INPP5J: variants seen among roughly 807,000 people sequenced by gnomAD.
INPP5J encodes the protein inositol polyphosphate-5-phosphatase J, also known as phosphatidylinositol 4,5-bisphosphate 5-phosphatase A.
A neutral mutation model predicts 86.6 loss-of-function variants in INPP5J; 75 were observed. The ratio of observed to expected loss-of-function variants is 0.87; its 90% CI spans 0.72 to 1.05. INPP5J has a LOEUF of 1.05. Ranked by LOEUF, INPP5J falls within the 50% of genes least tolerant of loss-of-function variation. The pLI is 0.00. For missense variants in INPP5J, 1,229 were observed against 1,341.2 expected, an observed-to-expected ratio of 0.92 and a Z score of 1.31; for synonymous variants, 540 against 550.0, an observed-to-expected ratio of 0.98 and a Z score of 0.25.
intron 6 of INPP5J, 95 bp from the exon 7 acceptor site, chr22:31,127,856 G>A (rs1490927243): frequency 3.7e-5 from 29 of 774,478 alleles, no homozygotes; most frequent in Admixed American, 3.3e-4. Flanking sequence ...CGGGTTGGAT[G>A]GGCTGGAAGG....
At position 31,133,223 on chromosome 22, in the gene INPP5J, C is replaced by T. The variant is rs767376371; in HGVS notation, c.2319C>T (p.Ile773=). The change falls in exon 10 of 13, where the codon ATC becomes ATT. Residue 773 remains isoleucine, a synonymous_variant. Coordinates refer to ENST00000331075, the MANE Select transcript of INPP5J (RefSeq NM_001284285.2). ...TVFARSSWDW[I]GLYRVGFRHC... ...TCGCCCGCAGCTCCTGGGACTGGAT[C>T]GGCTTATACCGGGTGAGAGGGGCAG... 4 of 1,606,296 alleles carry T rather than the reference C, an allele frequency of 2.5e-6. No individual in the cohort carries two copies. Among genetic ancestry groups the T allele is most frequent in the African/African-American group, 1.3e-5 (1 of 74,842 alleles).
chr22:31,127,433 C>T lies in INPP5J; in HGVS notation c.1688C>T (p.Ala563Val), dbSNP rs1474656992. Reference protein sequence around the residue: ...MLCFLNCHLPAHMDKAEQRKD... With the variant: ...MLCFLNCHLPVHMDKAEQRKD... ...TGCTTCCTGAACTGCCACTTGCCTG[C>T]GCATATGGACAAGGCGGAGCAGCGC... The change falls in exon 6 of 13, where the codon GCG (alanine) becomes GTG (valine). Residue 563 changes from alanine (A) to valine (V), a missense_variant. By Grantham distance (64) the Ala-to-Val change is moderately conservative. Transcript: ENST00000331075. 3.7e-6 allele frequency: 6 copies of T among 1,613,830 alleles called. No individual in the cohort carries two copies. Among genetic ancestry groups the T allele is most frequent in the Admixed American group, 1.7e-5 (1 of 60,004 alleles).
chr22:31,134,470 T>G lies in INPP5J; in HGVS notation c.*51T>G, dbSNP rs1470221939. ...GTGACCACCATTCTGCCTCAATCTTTTGCAAGCCCACCTGCCTCTCTCCTG... is the reference window on the plus strand; with the variant it reads ...GTGACCACCATTCTGCCTCAATCTTGTGCAAGCCCACCTGCCTCTCTCCTG... On this transcript the variant is annotated 3_prime_UTR_variant, in exon 13 of 13. Coordinates refer to ENST00000331075, the MANE Select transcript of INPP5J (RefSeq NM_001284285.2). 19 of 1,417,468 alleles carry G rather than the reference T, an allele frequency of 1.3e-5. No individual in the cohort carries two copies. The highest frequency in any genetic ancestry group is 1.6e-5 in the Non-Finnish European group (17 of 1,084,976). The allele number at this position is 1,417,468 out of a possible 1,614,324, so 87.8% of individuals were successfully genotyped here. A position where few individuals can be genotyped will look rare whatever the true frequency, so the allele number is the denominator to read the frequency against.
chr22:31,134,077 G>A lies in INPP5J; in HGVS notation c.2679G>A (p.Arg893=). 6.4e-7 allele frequency: 1 copy of A among 1,567,832 alleles called. No homozygotes were observed. Among genetic ancestry groups the A allele is most frequent in the Non-Finnish European group, 8.6e-7 (1 of 1,157,572 alleles). Reference sequence around the variant, plus strand: ...GCAGCCGCAGCCCGGGACTGGCCAGGTTCCCTGGGCTTGCCCTACGGCCCT... The same window carrying A: ...GCAGCCGCAGCCCGGGACTGGCCAGATTCCCTGGGCTTGCCCTACGGCCCT... ...RHRSRSPGLA[R]FPGLALRPSS... is the part of the protein sequence containing the mutation. Residue 893 remains arginine (R), a synonymous_variant, in exon 13 of 13, where the codon AGG becomes AGA. Transcript: ENST00000331075.
At chr22:31,126,782 T>C (rs1466720288) in intron 4 of INPP5J, 61 bp downstream of exon 4, 1 of 1,508,136 alleles carries the variant, frequency 6.6e-7, no homozygotes, top group Non-Finnish European at 9.2e-7. Context: ...GCTCCAGCTG[T>C]ACCCTGGCTC....
At position 31,126,765 on chromosome 22, in the gene INPP5J, A is replaced by T. The variant is rs779070020; in HGVS notation, c.1494+44A>T. The T allele has an allele frequency of 5.5e-5, 85 of 1,547,468 alleles. 1 individual carries two copies. The highest frequency in any genetic ancestry group is 7.3e-5 in the Non-Finnish European group (82 of 1,119,690). ...CCTGGACAGCCAGAGACCCTGCTGAATTCCTGGCTCCAGCTGTACCCTGGC... is the reference window on the plus strand; with the variant it reads ...CCTGGACAGCCAGAGACCCTGCTGATTTCCTGGCTCCAGCTGTACCCTGGC... On this transcript the variant is annotated intron_variant, in intron 4 of 12. Transcript: ENST00000331075.
chr22:31,128,266 C>T lies in INPP5J; in HGVS notation c.1952C>T (p.Pro651Leu). ...WPILKGFQEG[P>L]LNFAPTFKFD... ...ATTCTGAAGGGCTTTCAGGAGGGGC[C>T]CCTCAACTTCGCTCCCACCTTCAAG... Residue 651 changes from proline (P) to leucine (L), a missense_variant, in exon 8 of 13, where the codon CCC (proline) becomes CTC (leucine). Pro to Leu is a moderately conservative substitution (Grantham distance 98). Transcript: ENST00000331075. The T allele has an allele frequency of 6.2e-7, 1 of 1,601,688 alleles. No individual in the cohort carries two copies. The highest frequency in any genetic ancestry group is 1.1e-5 in the South Asian group (1 of 88,886).
rs61741182 is a variant in INPP5J at position 31,126,773 on chromosome 22, C to T, written c.1494+52C>T. The stretch of plus-strand genomic sequence containing the variant: ...GCCAGAGACCCTGCTGAATTCCTGG[C>T]TCCAGCTGTACCCTGGCTCACTGTG... On this transcript the variant is annotated intron_variant, in intron 4 of 12. Transcript: ENST00000331075. 5.6e-3 allele frequency: 8,554 copies of T among 1,532,214 alleles called. 205 individuals carry two copies. In the African/African-American group the frequency reaches 0.067, roughly 12 times the overall value. The allele number at this position is 1,532,214 out of a possible 1,614,324, so 94.9% of individuals were successfully genotyped here.
At position 31,126,937 on chromosome 22, in the gene INPP5J, T is replaced by A; in HGVS notation, c.1511T>A (p.Met504Lys). The stretch of plus-strand genomic sequence containing the variant: ...CCGCTGCAGGTGAGTTCGGTGAGGA[T>A]GCAGGGTGTCATCCTGCTGCTGTTC... ...FNFVLVSSVRMQGVILLLFAK... is the reference protein window; with the variant it reads ...FNFVLVSSVRKQGVILLLFAK... Residue 504 changes from methionine (M) to lysine (K), a missense_variant, in exon 5 of 13, where the codon ATG (methionine) becomes AAG (lysine). Coordinates refer to ENST00000331075, the MANE Select transcript of INPP5J (RefSeq NM_001284285.2). 1 of 1,609,382 alleles carries A rather than the reference T, an allele frequency of 6.2e-7. No homozygotes were observed. Among genetic ancestry groups the A allele is most frequent in the Non-Finnish European group, 8.5e-7 (1 of 1,177,626 alleles).
At chr22:31,132,037 G>A (rs570672629) in intron 9 of INPP5J, among the ~76,000 whole-genome samples, 33 of 152,338 alleles carry the variant, frequency 2.2e-4, no homozygotes, top group South Asian at 6.2e-4. Context: ...TTCAGGTGGC[G>A]CCCCTGGTGG....
chr22:31,122,966 A>C lies in INPP5J; in HGVS notation c.-49A>C. The C allele has an allele frequency of 2.7e-5, 33 of 1,238,726 alleles. No individual in the cohort carries two copies. Among genetic ancestry groups the C allele is most frequent in the Non-Finnish European group, 3.0e-5 (28 of 936,182 alleles). 76.7% of individuals were successfully genotyped at this position (1,238,726 alleles called of 1,614,324 possible). A position where few individuals can be genotyped will look rare whatever the true frequency, so the allele number is the denominator to read the frequency against. On this transcript the variant is annotated 5_prime_UTR_variant, in exon 1 of 13. Coordinates refer to ENST00000331075, the MANE Select transcript of INPP5J (RefSeq NM_001284285.2). ...GACATCACTGGTTCCCGGGAGCGGT[A>C]GAGCTGGAGCCGGAGCCAAGGGAGT...
chr22:31,132,756 A>T (rs1922166049), intron 9 of INPP5J, among the ~76,000 whole-genome samples: 2 of 152,110 alleles, frequency 1.3e-5, no homozygotes, highest in African/African-American at 4.8e-5. Flanking sequence ...GAAAAAAAAA[A>T]AAAAGAGTCT....
intron 12 of INPP5J, 66 bp from the exon 13 acceptor site, chr22:31,133,847 C>T (rs935189539): frequency 4.5e-5 from 72 of 1,595,924 alleles, no homozygotes; most frequent in Non-Finnish European, 5.7e-5. Context: ...AGGCAGACCT[C>T]GGGAGGTCAG....
In INPP5J at chr22:31,126,715, C is replaced by T. The variant is rs371594436; in HGVS notation, c.1488C>T (p.Phe496=). ...LFMDALGPFN[F]VLVSSVRMQG... ...TGGATGCGCTAGGGCCCTTCAACTTCGTGCTGGTAACGCACCCCTCACCCC... is the reference window on the plus strand; with the variant it reads ...TGGATGCGCTAGGGCCCTTCAACTTTGTGCTGGTAACGCACCCCTCACCCC... Residue 496 remains phenylalanine, a synonymous_variant, in exon 4 of 13, where the codon TTC becomes TTT. Coordinates refer to ENST00000331075, the MANE Select transcript of INPP5J (RefSeq NM_001284285.2). 8 of 1,612,538 alleles carry T rather than the reference C, an allele frequency of 5.0e-6. No homozygotes were observed. In the Admixed American group the frequency reaches 8.3e-5, roughly 17 times the overall value.
At chr22:31,123,190 T>A (rs539953680) in intron 1 of INPP5J, 71 bp downstream of exon 1, 1 of 916,454 alleles carries the variant, frequency 1.1e-6, no homozygotes, top group Non-Finnish European at 1.5e-6. Flanking sequence ...CCACATACAC[T>A]GCAGGCTCCC....
intron 12 of INPP5J, 64 bp from the exon 13 acceptor site, chr22:31,133,849 G>T (rs1285464208): frequency 6.3e-7 from 1 of 1,598,632 alleles, no homozygotes; most frequent in Non-Finnish European, 8.5e-7. Context: ...GCAGACCTCG[G>T]GAGGTCAGGC....
rs986924481 is a variant in INPP5J at position 31,127,351 on chromosome 22, C to T, written c.1612-6C>T. On this transcript the variant is annotated splice_polypyrimidine_tract_variant and splice_region_variant and intron_variant, in intron 5 of 12. Transcript: ENST00000331075. The stretch of plus-strand genomic sequence containing the variant: ...GCCCATGAGCCATCCGACCCTGCCT[C>T]CCTAGGGTAACAAGGGTGGCGTGAG... The T allele has an allele frequency of 1.9e-5, 30 of 1,605,286 alleles. No homozygotes were observed. The highest frequency in any genetic ancestry group is 1.7e-4 in the Middle Eastern group (1 of 5,880).
rs1340797558 is a variant in INPP5J, at chr22:31,125,590, G to A, written c.851G>A (p.Arg284Gln). ...DPRLSPSFRA[R>Q]PEALHSSPED... ...CGGCTCTCCCCCTCCTTCCGAGCCC[G>A]GCCTGAGGCCCTCCACAGCAGCCCT... Residue 284 changes from arginine to glutamine, a missense_variant, in exon 2 of 13, where the codon CGG becomes CAG. Physicochemically the swap from Arg to Gln is conservative, Grantham distance 43. Transcript: ENST00000331075. 1.2e-5 allele frequency: 19 copies of A among 1,550,158 alleles called. No homozygotes were observed. The highest frequency in any genetic ancestry group is 3.3e-4 in the Middle Eastern group (2 of 5,990).
intron 9 of INPP5J, among the ~76,000 whole-genome samples, chr22:31,129,794 G>A (rs555152464): frequency 4.0e-5 from 6 of 151,074 alleles, no homozygotes; most frequent in Non-Finnish European, 7.4e-5. Context: ...TGCCCACCTC[G>A]GCCTCCCAAA....
Sources: allele counts gnomAD v4.1 joint callset (sites outside exome capture counted in the v4.1 genomes callset), GRCh38; gene constraint gnomAD v4.1.1; transcripts MANE v1.5; gene names NCBI Gene and HGNC (gene_info 2026-07-23, HGNC 2026-07-21).